The following SNX13 variants were observed in gnomAD, a reference collection of about 807,000 sequenced individuals.
SNX13 encodes the protein sorting nexin-13.
In SNX13, 45 loss-of-function variants were observed where a neutral mutation model predicts 133.6. The ratio of observed to expected loss-of-function variants is 0.34; its 90% CI spans 0.27 to 0.43. The LOEUF (loss-of-function observed/expected upper bound fraction) is 0.43. SNX13 is among the 20% of genes least tolerant of loss of function. The pLI, the probability that SNX13 is intolerant of heterozygous loss-of-function variation, is 1.00. For missense variants in SNX13, 1,032 were observed against 1,145.1 expected, an observed-to-expected ratio of 0.90 and a Z score of 1.43; for synonymous variants, 414 against 373.9, an observed-to-expected ratio of 1.11 and a Z score of -1.24.
chr7:17,882,943 T>A (rs1795540381), intron 5 of SNX13: 2 of 693,758 alleles, frequency 2.9e-6, no homozygotes, highest in South Asian at 3.5e-5. Flanking sequence ...AGGGCGAGAC[T>A]CTGTCTCAAA....
At chr7:17,896,998 T>G (rs765921912) in intron 2 of SNX13, among the ~76,000 whole-genome samples, 1 of 152,090 alleles carries the variant, frequency 6.6e-6, no homozygotes, top group East Asian at 1.9e-4. Flanking sequence ...TTAACTTACT[T>G]ATTAACATAA....
chr7:17,854,257 G>C (rs1791609570), intron 9 of SNX13, among the ~76,000 whole-genome samples: 2 of 152,208 alleles, frequency 1.3e-5, no homozygotes, highest in South Asian at 4.1e-4. Context: ...CTACAGCAAG[G>C]TTCTTCATAT....
intron 2 of SNX13, among the ~76,000 whole-genome samples, chr7:17,896,803 G>A (rs1161615037): frequency 6.6e-6 from 1 of 151,958 alleles, no homozygotes; most frequent in East Asian, 1.9e-4. Context: ...AACCTCTCTT[G>A]TAAAGGTTTA....
intron 1 of SNX13, among the ~76,000 whole-genome samples, chr7:17,906,070 C>A (rs1024034540): frequency 6.6e-6 from 1 of 152,074 alleles, no homozygotes; most frequent in Non-Finnish European, 1.5e-5. Context: ...GGGATAAATG[C>A]ACTATTCAAG....
chr7:17,832,574 G>A, intron 15 of SNX13: 1 of 742,970 alleles, frequency 1.3e-6, no homozygotes, highest in Non-Finnish European at 1.6e-6. Context: ...TTAGTTGACA[G>A]AGCTGCTATT....
At chr7:17,875,220 G>A (rs912658109) in intron 7 of SNX13, among the ~76,000 whole-genome samples, 5 of 151,816 alleles carry the variant, frequency 3.3e-5, no homozygotes, top group Non-Finnish European at 7.4e-5. Flanking sequence ...CAGGCCCTTC[G>A]GCCTCCCAAA....
chr7:17,907,001 T>C lies in SNX13; in HGVS notation c.13-9555A>G, dbSNP rs545504533. 2.6e-5 allele frequency among the ~76,000 whole-genome samples: 4 copies of C among 152,318 alleles called. No individual in the cohort carries two copies. The South Asian group carries it at 8.3e-4, about 32-fold the overall frequency. ...CCACAAGCTGACAGAAACATTTCCA[T>C]TCATGTTGGTTATGTTCTTGGGGCG... On this transcript the variant is annotated intron_variant, in intron 1 of 25. Coordinates refer to ENST00000428135, the MANE Select transcript of SNX13 (RefSeq NM_015132.5).
intron 16 of SNX13, among the ~76,000 whole-genome samples, chr7:17,828,705 G>T (rs1788165721): frequency 6.6e-6 from 1 of 151,478 alleles, no homozygotes; most frequent in Non-Finnish European, 1.5e-5. Context: ...CTTCAAGTAT[G>T]ACTGTTTTTT....
intron 1 of SNX13, among the ~76,000 whole-genome samples, chr7:17,913,239 G>C (rs1421745833): frequency 2.0e-5 from 3 of 152,172 alleles, no homozygotes; most frequent in Non-Finnish European, 4.4e-5. Context: ...CCAAAATCTG[G>C]GAATGAACTT....
At chr7:17,906,945 T>C (rs929818043) in intron 1 of SNX13, among the ~76,000 whole-genome samples, 3 of 152,196 alleles carry the variant, frequency 2.0e-5, no homozygotes, top group Non-Finnish European at 2.9e-5. Context: ...TGTGAGTTCA[T>C]TTGGTGTATC....
At chr7:17,863,663 T>C (rs1019309511) in intron 9 of SNX13, among the ~76,000 whole-genome samples, 2 of 152,106 alleles carry the variant, frequency 1.3e-5, no homozygotes, top group Non-Finnish European at 2.9e-5. Context: ...CATGAATAAA[T>C]AGCAGCAGCA....
chr7:17,824,031 C>G (rs1171423667), intron 17 of SNX13, among the ~76,000 whole-genome samples: 3 of 151,984 alleles, frequency 2.0e-5, no homozygotes, highest in African/African-American at 7.2e-5. Context: ...CAGAAGACAT[C>G]AAGGTAATCT....
intron 24 of SNX13, 51 bp downstream of exon 24, chr7:17,798,639 A>C: frequency 7.5e-7 from 1 of 1,338,114 alleles, no homozygotes; most frequent in Non-Finnish European, 1.0e-6. Context: ...TAGTGATAAC[A>C]ATGCTAAACT....
chr7:17,840,110 C>T (rs1409650615), intron 12 of SNX13, 110 bp from the exon 13 acceptor site: 1 of 821,828 alleles, frequency 1.2e-6, no homozygotes, highest in East Asian at 3.2e-5. Context: ...TTTAAAACTC[C>T]ACATTTTGAA....
Position 17,919,894 on chromosome 7 carries a change from G to A in SNX13, c.12+20390C>T, listed in dbSNP as rs138442830. On this transcript the variant is annotated intron_variant, in intron 1 of 25. Coordinates refer to ENST00000428135, the MANE Select transcript of SNX13 (RefSeq NM_015132.5). ...ACCTGTAATCCCAGGACTTTGGGAG[G>A]CCAAGGCAGTAGGATCATTTGAGGC... is the stretch of plus-strand genomic sequence containing the variant. Among the ~76,000 whole-genome samples the A allele has an allele frequency of 2.4e-3, 358 of 152,212 alleles. 1 individual carries two copies. Among genetic ancestry groups the A allele is most frequent in the African/African-American group, 8.3e-3 (343 of 41,538 alleles).
chr7:17,903,512 T>A (rs1798067634), intron 1 of SNX13, among the ~76,000 whole-genome samples: 1 of 152,216 alleles, frequency 6.6e-6, no homozygotes, highest in African/African-American at 2.4e-5. Context: ...TTACCATTAG[T>A]TGTGTAACCA....
intron 15 of SNX13, chr7:17,832,460 T>C: frequency 2.0e-6 from 2 of 984,400 alleles, no homozygotes; most frequent in Non-Finnish European, 2.4e-6. Flanking sequence ...CTTCTCTCTT[T>C]CTGAGTCACC....
intron 7 of SNX13, among the ~76,000 whole-genome samples, chr7:17,874,814 A>G (rs1354989732): frequency 1.3e-5 from 2 of 152,186 alleles, no homozygotes; most frequent in Non-Finnish European, 2.9e-5. Context: ...ACTCCTACCA[A>G]TAAAAGACAA....
chr7:17,831,609 G>A (rs924295219), intron 15 of SNX13: 2 of 983,626 alleles, frequency 2.0e-6, no homozygotes, highest in African/African-American at 3.5e-5. Context: ...GATATGACTT[G>A]GTCCTTTAAT....
Sources: gnomAD v4.1 joint callset for allele counts (sites outside exome capture counted in the v4.1 genomes callset) on GRCh38, gnomAD v4.1.1 for gene constraint, MANE v1.5 for transcripts, NCBI Gene and HGNC (gene_info 2026-07-23, HGNC 2026-07-21) for gene names.